Variants in ZFPM2 observed in about 807,000 individuals in gnomAD.
ZFPM2 encodes the protein zinc finger protein ZFPM2.
Under a neutral mutation model 98.6 loss-of-function variants are expected in ZFPM2, and 20 were observed. The ratio of observed to expected loss-of-function variants is 0.20; its 90% confidence interval spans 0.14 to 0.29. ZFPM2 has a LOEUF of 0.29. Ranked by LOEUF, ZFPM2 falls within the 10% of genes least tolerant of loss-of-function variation. ZFPM2 has a pLI of 1.00. For missense variants in ZFPM2, 1,310 were observed against 1,388.6 expected (o/e 0.94, Z 0.90); for synonymous variants, 518 against 502.7 (o/e 1.03, Z -0.41).
At chr8:105,703,596 A>G (rs1369087053) in intron 5 of ZFPM2, among the ~76,000 whole-genome samples, 1 of 152,266 alleles carries the variant, frequency 6.6e-6, no homozygotes, top group East Asian at 1.9e-4. Context: ...ATTGTGTGAC[A>G]TGGATGCTAG....
chr8:105,483,712 T>C (rs537215072), intron 3 of ZFPM2, among the ~76,000 whole-genome samples: 52 of 152,222 alleles, frequency 3.4e-4, no homozygotes, highest in African/African-American at 1.1e-3. Flanking sequence ...GTAATTCTTT[T>C]GTCAGTCATC....
In ZFPM2 at chr8:105,803,714, G is replaced by T. The variant is rs986568987; in HGVS notation, c.*176G>T. On this transcript the variant is annotated 3_prime_UTR_variant, in exon 8 of 8. Transcript: ENST00000407775. Reference sequence around the variant, plus strand: ...CAGTCCATTAGTAAAGTGTATTATTGGTGCCATTTTCAAAAAAATTAATTT... The same window carrying T: ...CAGTCCATTAGTAAAGTGTATTATTTGTGCCATTTTCAAAAAAATTAATTT... 46 of 606,412 alleles carry T rather than the reference G, an allele frequency of 7.6e-5. 1 individual carries two copies. In the Middle Eastern group the frequency reaches 1.4e-3, roughly 18 times the overall value. The allele number at this position is 606,412 out of a possible 1,614,324, so 37.6% of individuals were successfully genotyped here. A position where few individuals can be genotyped will look rare whatever the true frequency, so the allele number is the denominator to read the frequency against.
At chr8:105,354,643 A>C (rs1053239066) in intron 1 of ZFPM2, among the ~76,000 whole-genome samples, 1 of 152,210 alleles carries the variant, frequency 6.6e-6, no homozygotes, top group African/African-American at 2.4e-5. Flanking sequence ...TGTCTGATGC[A>C]TTTAATTTTA....
intron 1 of ZFPM2, among the ~76,000 whole-genome samples, chr8:105,349,272 A>C (rs1351785247): frequency 1.3e-5 from 2 of 152,198 alleles, no homozygotes; most frequent in African/African-American, 4.8e-5. Context: ...ATAACAAGAA[A>C]GAAAAATGGC....
intron 6 of ZFPM2, among the ~76,000 whole-genome samples, chr8:105,791,383 G>A (rs1298483607): frequency 6.6e-6 from 1 of 152,116 alleles, no homozygotes; most frequent in East Asian, 1.9e-4. Context: ...TTTATATGCT[G>A]GATTACATTT....
intron 2 of ZFPM2, among the ~76,000 whole-genome samples, chr8:105,443,334 A>AAAAAAC (rs1812304397): frequency 6.6e-6 from 1 of 151,296 alleles, no homozygotes; most frequent in Non-Finnish European, 1.5e-5. Context: ...AACAAAAAAA[A>AAAAAAC]AAAAACTTGG....
chr8:105,453,426 C>A (rs1383223485), intron 3 of ZFPM2, among the ~76,000 whole-genome samples: 1 of 152,172 alleles, frequency 6.6e-6, no homozygotes, highest in Non-Finnish European at 1.5e-5. Flanking sequence ...GTAATGACTT[C>A]TGTGAGGACC....
At chr8:105,647,124 T>C (rs1306706665) in intron 5 of ZFPM2, among the ~76,000 whole-genome samples, 2 of 152,208 alleles carry the variant, frequency 1.3e-5, no homozygotes. Context: ...ATCTGCCTGC[T>C]TCTTGTTGGC....
intron 3 of ZFPM2, among the ~76,000 whole-genome samples, chr8:105,516,224 C>G (rs1158409752): frequency 1.3e-5 from 2 of 152,020 alleles, no homozygotes; most frequent in African/African-American, 4.8e-5. Context: ...CCGTGCCCAG[C>G]CAAAAAGAAT....
chr8:105,636,995 G>A (rs1344814975), intron 5 of ZFPM2, among the ~76,000 whole-genome samples: 1 of 152,120 alleles, frequency 6.6e-6, no homozygotes, highest in African/African-American at 2.4e-5. Context: ...ATGGTCACAT[G>A]GCTAATAAGT....
rs532983818 is a variant in ZFPM2 at position 105,556,912 on chromosome 8, G to C, written c.302-4451G>C. Among the ~76,000 whole-genome samples, 3 of 152,136 alleles carry C rather than the reference G, an allele frequency of 2.0e-5. No homozygotes were observed. The East Asian group carries it at 5.8e-4, about 29-fold the overall frequency. The stretch of plus-strand genomic sequence containing the variant: ...TAATATTTGCAGTTTTAACACAGAT[G>C]GGGTTTCACCATGTTCACCAGGCTG... On this transcript the variant is annotated intron_variant, in intron 3 of 7. Coordinates refer to ENST00000407775, the MANE Select transcript of ZFPM2 (RefSeq NM_012082.4).
At chr8:105,702,411 T>G (rs931583270) in intron 5 of ZFPM2, among the ~76,000 whole-genome samples, 16 of 152,220 alleles carry the variant, frequency 1.1e-4, no homozygotes, top group African/African-American at 3.9e-4. Context: ...ATTGCTGTGT[T>G]GCATCAAGAA....
chr8:105,584,960 A>G (rs1400705639), intron 4 of ZFPM2, among the ~76,000 whole-genome samples: 1 of 152,176 alleles, frequency 6.6e-6, no homozygotes, highest in Non-Finnish European at 1.5e-5. Context: ...TCTCATTCTT[A>G]TCAATTTCAA....
chr8:105,702,989 T>G (rs977017471), intron 5 of ZFPM2, among the ~76,000 whole-genome samples: 5 of 152,106 alleles, frequency 3.3e-5, no homozygotes, highest in Non-Finnish European at 7.3e-5. Flanking sequence ...ACTTCTCCTG[T>G]GAGAAAGTGA....
intron 5 of ZFPM2, among the ~76,000 whole-genome samples, chr8:105,636,092 C>T (rs1489892396): frequency 3.9e-5 from 6 of 152,020 alleles, no homozygotes; most frequent in Non-Finnish European, 5.9e-5. Context: ...TTGACTGCCA[C>T]CCATTGCATG....
At chr8:105,754,604 C>T (rs1812551497) in intron 5 of ZFPM2, among the ~76,000 whole-genome samples, 1 of 152,000 alleles carries the variant, frequency 6.6e-6, no homozygotes. Flanking sequence ...TATTCAACGA[C>T]CTGCGGTTCT....
At chr8:105,694,234 C>G (rs573056015) in intron 5 of ZFPM2, among the ~76,000 whole-genome samples, 46 of 152,054 alleles carry the variant, frequency 3.0e-4, no homozygotes, top group Admixed American at 5.2e-4. Context: ...GATCTGCCCC[C>G]CGCGGCCTCC....
chr8:105,529,579 A>AT (rs35183035), intron 3 of ZFPM2, among the ~76,000 whole-genome samples: 36,323 of 136,524 alleles, frequency 0.27, 4,952 homozygotes, highest in African/African-American at 0.34. Flanking sequence ...AACTCTCAGC[A>AT]TTTTTTTTTT....
chr8:105,589,986 C>T (rs1391716513), intron 4 of ZFPM2, among the ~76,000 whole-genome samples: 1 of 152,196 alleles, frequency 6.6e-6, no homozygotes, highest in East Asian at 1.9e-4. Flanking sequence ...CCCCAGAGTG[C>T]TGGGATTACA....
Sources: allele counts gnomAD v4.1 joint callset (sites outside exome capture counted in the v4.1 genomes callset), GRCh38; gene constraint gnomAD v4.1.1; transcripts MANE v1.5; gene names NCBI Gene and HGNC (gene_info 2026-07-23, HGNC 2026-07-21).